Variants in KIAA1958 observed in about 807,000 individuals in gnomAD.
KIAA1958 encodes uncharacterized protein KIAA1958.
Under a neutral mutation model 47.2 loss-of-function variants are expected in KIAA1958, and 14 were observed. The observed-to-expected ratio is 0.30, with a 90% CI of 0.20 to 0.46. The LOEUF is 0.46. Among genes scored for constraint, KIAA1958 ranks in the 20% least tolerant of loss-of-function variants. The probability of loss-of-function intolerance (pLI) is 1.00; values close to 1 mark genes in which losing one functional copy is unlikely to be tolerated. For missense variants in KIAA1958, 803 were observed against 909.2 expected (o/e 0.88, Z 1.50); for synonymous variants, 354 against 353.3 (o/e 1.00, Z -0.02).
intron 2 of KIAA1958, among the ~76,000 whole-genome samples, chr9:112,591,642 C>G (rs1052363709): frequency 1.3e-5 from 2 of 151,676 alleles, no homozygotes; most frequent in Non-Finnish European, 2.9e-5. Flanking sequence ...CCTGTAATCC[C>G]AGCACTTTGG....
intron 2 of KIAA1958, among the ~76,000 whole-genome samples, chr9:112,588,320 G>A (rs1164412197): frequency 6.6e-6 from 1 of 152,178 alleles, no homozygotes; most frequent in Non-Finnish European, 1.5e-5. Flanking sequence ...TGCAGTCAGA[G>A]AAGAATGTTT....
chr9:112,612,269 T>A (rs1290423064), intron 2 of KIAA1958, among the ~76,000 whole-genome samples: 5 of 151,926 alleles, frequency 3.3e-5, no homozygotes, highest in Non-Finnish European at 5.9e-5. Context: ...TGTATTTTTT[T>A]AATTAGCCAG....
intron 1 of KIAA1958, among the ~76,000 whole-genome samples, chr9:112,568,868 A>G (rs907694079): frequency 2.2e-5 from 3 of 138,720 alleles, no homozygotes; most frequent in African/African-American, 8.2e-5. Context: ...AGCCTGGGCA[A>G]CACAGCAAGA....
At chr9:112,601,781 A>G (rs1160245516) in intron 2 of KIAA1958, among the ~76,000 whole-genome samples, 1 of 152,206 alleles carries the variant, frequency 6.6e-6, no homozygotes, top group African/African-American at 2.4e-5. Context: ...ATTAAGGAGA[A>G]AATTCCTCAG....
chr9:112,609,291 TG>T (rs1187860053), intron 2 of KIAA1958, among the ~76,000 whole-genome samples: 3 of 152,174 alleles, frequency 2.0e-5, no homozygotes, highest in African/African-American at 7.2e-5. Flanking sequence ...TAAAAAACAA[TG>T]GAGCTATAGG....
At chr9:112,632,137 A>G (rs918642448) in intron 2 of KIAA1958, among the ~76,000 whole-genome samples, 2 of 152,152 alleles carry the variant, frequency 1.3e-5, no homozygotes, top group African/African-American at 4.8e-5. Context: ...CATGGAGCTA[A>G]TCACTAACCA....
At chr9:112,559,810 G>T (rs1281578275) in intron 1 of KIAA1958, among the ~76,000 whole-genome samples, 1 of 152,132 alleles carries the variant, frequency 6.6e-6, no homozygotes, top group Non-Finnish European at 1.5e-5. Context: ...TTCTTTGAGT[G>T]GGCTGTAAAG....
At chr9:112,635,773 CTCT>C (rs879138722) in intron 2 of KIAA1958, among the ~76,000 whole-genome samples, 3 of 152,068 alleles carry the variant, frequency 2.0e-5, no homozygotes, top group African/African-American at 4.8e-5. Context: ...TGTGCCTTCT[CTCT>C]TCTTCTTGCT....
intron 2 of KIAA1958, among the ~76,000 whole-genome samples, chr9:112,635,194 T>C (rs1836781952): frequency 1.3e-5 from 2 of 151,110 alleles, no homozygotes. Flanking sequence ...ACCTGAAGTT[T>C]TATTTTGAGA....
intron 1 of KIAA1958, among the ~76,000 whole-genome samples, chr9:112,494,175 C>T (rs1025577134): frequency 1.3e-5 from 2 of 152,078 alleles, no homozygotes; most frequent in African/African-American, 4.8e-5. Flanking sequence ...GCTTTTTCTT[C>T]ATATTTAAAG....
intron 2 of KIAA1958, among the ~76,000 whole-genome samples, chr9:112,607,317 A>G (rs1836251788): frequency 6.6e-6 from 1 of 152,000 alleles, no homozygotes; most frequent in Non-Finnish European, 1.5e-5. Context: ...TGAGCGACAC[A>G]GCAAAACTCT....
chr9:112,540,040 A>G (rs1834914843), intron 1 of KIAA1958, among the ~76,000 whole-genome samples: 1 of 152,210 alleles, frequency 6.6e-6, no homozygotes, highest in South Asian at 2.1e-4. Flanking sequence ...TGAAGTTGTT[A>G]TTGAAAACAA....
At chr9:112,487,385 C>T (rs528163179) in intron 1 of KIAA1958, among the ~76,000 whole-genome samples, 32 of 151,784 alleles carry the variant, frequency 2.1e-4, no homozygotes, top group African/African-American at 6.8e-4. Flanking sequence ...TCCGGTCCGC[C>T]TGCCCCGGGC....
At chr9:112,583,271 C>G (rs1402025035) in intron 2 of KIAA1958, among the ~76,000 whole-genome samples, 1 of 152,052 alleles carries the variant, frequency 6.6e-6, no homozygotes, top group Non-Finnish European at 1.5e-5. Context: ...CACAGAGATG[C>G]AAATTAAAAC....
chr9:112,547,480 C>A (rs764653630), intron 1 of KIAA1958, among the ~76,000 whole-genome samples: 12 of 151,530 alleles, frequency 7.9e-5, no homozygotes, highest in Admixed American at 2.6e-4. Context: ...AAAACTAGTT[C>A]GGGCCATGAT....
chr9:112,642,589 C>G (rs1031151950), intron 2 of KIAA1958, among the ~76,000 whole-genome samples: 12 of 152,158 alleles, frequency 7.9e-5, no homozygotes, highest in Non-Finnish European at 1.6e-4. Flanking sequence ...TCTCATAGTC[C>G]CTTCTTTCTC....
chr9:112,583,874 T>C (rs1185183911), intron 2 of KIAA1958, among the ~76,000 whole-genome samples: 3 of 151,966 alleles, frequency 2.0e-5, no homozygotes, highest in Non-Finnish European at 4.4e-5. Flanking sequence ...TTAAACTGTA[T>C]CTATAATTTT....
intron 2 of KIAA1958, among the ~76,000 whole-genome samples, chr9:112,597,643 C>T (rs534473136): frequency 5.6e-4 from 85 of 152,118 alleles, no homozygotes; most frequent in Non-Finnish European, 1.0e-3. Flanking sequence ...CTAACTCCTT[C>T]GTTAGATGGA....
chr9:112,606,465 T>C (rs1421838164), intron 2 of KIAA1958, among the ~76,000 whole-genome samples: 6 of 152,256 alleles, frequency 3.9e-5, no homozygotes, highest in Non-Finnish European at 1.5e-5. Context: ...AATGTGTTAT[T>C]AATCACAGCT....
Sources: gnomAD v4.1 joint callset for allele counts (sites outside exome capture counted in the v4.1 genomes callset) on GRCh38, gnomAD v4.1.1 for gene constraint, MANE v1.5 for transcripts, NCBI Gene and HGNC (gene_info 2026-07-23, HGNC 2026-07-21) for gene names.